The following DYTN variants were observed in gnomAD, a reference collection of about 807,000 sequenced individuals.
DYTN encodes the protein dystrotelin.
A neutral mutation model predicts 69.6 loss-of-function variants in DYTN; 75 were observed. The observed-to-expected ratio is 1.08, with a 90% CI of 0.89 to 1.31. The LOEUF (loss-of-function observed/expected upper bound fraction) is 1.31. Ranked by LOEUF, DYTN falls within the 50% of genes most tolerant of loss-of-function variation. The pLI is 0.00. For missense variants in DYTN, 726 were observed against 688.4 expected (o/e 1.05, Z -0.61); for synonymous variants, 252 against 249.1 (o/e 1.01, Z -0.11).
chr2:206,707,333 T>A lies in DYTN; in HGVS notation c.265A>T (p.Thr89Ser). The change falls in exon 3 of 12, where the codon ACT becomes TCT. Residue 89 changes from threonine to serine, a missense_variant. Physicochemically the swap from Thr to Ser is moderately conservative, Grantham distance 58. Coordinates refer to ENST00000452335, the MANE Select transcript of DYTN (RefSeq NM_001093730.1). ...GQVHPRAPEL[T>S]LSLLTTMYNS... ...TACATTGTCGTGAGAAGGCTCAGAG[T>A]GAGTTCCGGAGCTCTGGGATGCACT... The A allele has an allele frequency of 1.2e-6, 2 of 1,612,426 alleles. No homozygotes were observed. Among genetic ancestry groups the A allele is most frequent in the Non-Finnish European group, 1.7e-6 (2 of 1,179,444 alleles).
chr2:206,673,269 TA>T (rs1381218577), intron 9 of DYTN, among the ~76,000 whole-genome samples: 1 of 152,208 alleles, frequency 6.6e-6, no homozygotes, highest in Non-Finnish European at 1.5e-5. Flanking sequence ...TTTATTTTTT[TA>T]TTTTTGAGAT....
At chr2:206,711,351 A>G (rs1417598093) in intron 1 of DYTN, among the ~76,000 whole-genome samples, 1 of 152,158 alleles carries the variant, frequency 6.6e-6, no homozygotes, top group East Asian at 1.9e-4. Context: ...TGCCCATTTC[A>G]CAGTGTAGAG....
At chr2:206,703,226 T>C (rs1359468447) in intron 5 of DYTN, among the ~76,000 whole-genome samples, 3 of 152,274 alleles carry the variant, frequency 2.0e-5, no homozygotes, top group East Asian at 3.9e-4. Flanking sequence ...AAGAGTTCTC[T>C]AGAAGGAAAA....
intron 9 of DYTN, 123 bp downstream of exon 9, chr2:206,693,052 C>T (rs542504795): frequency 2.9e-6 from 4 of 1,364,648 alleles, no homozygotes; most frequent in African/African-American, 1.5e-5. Flanking sequence ...AAGTCCAACC[C>T]TCACCCCTCC....
rs768728706 is a variant in DYTN, at chr2:206,666,079, A to G, written c.981-50T>C. 56 of 1,590,300 alleles carry G rather than the reference A, an allele frequency of 3.5e-5. No homozygotes were observed. The East Asian group carries it at 1.2e-3, about 35-fold the overall frequency. Reference sequence around the variant, plus strand: ...GTTTGGAAGGGCAAGAGGCCAGTACACTAATTAGAGCCCTGGTAAGATGTA... The same window carrying G: ...GTTTGGAAGGGCAAGAGGCCAGTACGCTAATTAGAGCCCTGGTAAGATGTA... On this transcript the variant is annotated intron_variant, in intron 9 of 11. Coordinates refer to ENST00000452335, the MANE Select transcript of DYTN (RefSeq NM_001093730.1).
intron 9 of DYTN, among the ~76,000 whole-genome samples, chr2:206,682,900 A>G (rs1017721048): frequency 6.6e-6 from 1 of 152,188 alleles, no homozygotes; most frequent in African/African-American, 2.4e-5. Context: ...AAATGCAGGA[A>G]TAGACACATA....
intron 7 of DYTN, 43 bp from the exon 8 acceptor site, chr2:206,694,920 G>GAT: frequency 3.7e-5 from 29 of 788,866 alleles, no homozygotes; most frequent in African/African-American, 8.8e-5. Context: ...ACTAGTAGAT[G>GAT]AGAAAAAAAA....
chr2:206,658,766 T>C (rs1385933252), intron 11 of DYTN, among the ~76,000 whole-genome samples: 1 of 152,222 alleles, frequency 6.6e-6, no homozygotes, highest in Non-Finnish European at 1.5e-5. Context: ...AGTGTTTTCA[T>C]GCTAGTCCAA....
chr2:206,689,401 C>T (rs1369225327), intron 9 of DYTN, among the ~76,000 whole-genome samples: 5 of 152,186 alleles, frequency 3.3e-5, no homozygotes, highest in African/African-American at 4.8e-5. Flanking sequence ...TAATATTCCA[C>T]ATTCTTTTCT....
chr2:206,693,522 C>T (rs960721547), intron 8 of DYTN, among the ~76,000 whole-genome samples, 199 bp from the exon 9 acceptor site: 1 of 152,118 alleles, frequency 6.6e-6, no homozygotes. Flanking sequence ...AAATTAAACA[C>T]CCCAAACCCC....
intron 11 of DYTN, among the ~76,000 whole-genome samples, chr2:206,660,598 G>A (rs1015520557): frequency 9.2e-5 from 14 of 152,204 alleles, no homozygotes; most frequent in African/African-American, 3.1e-4. Flanking sequence ...AGTGGATATT[G>A]ACTTCGCTTT....
intron 1 of DYTN, among the ~76,000 whole-genome samples, chr2:206,712,759 T>C (rs1266321579): frequency 6.6e-6 from 1 of 152,154 alleles, no homozygotes. Flanking sequence ...CAACTGCAAC[T>C]CTCCCACTTC....
intron 9 of DYTN, among the ~76,000 whole-genome samples, chr2:206,688,349 T>C (rs1184045784): frequency 6.6e-6 from 1 of 152,212 alleles, no homozygotes; most frequent in Non-Finnish European, 1.5e-5. Flanking sequence ...CATCGTAGCC[T>C]TGCTGTGCTT....
intron 9 of DYTN, among the ~76,000 whole-genome samples, chr2:206,678,286 A>G (rs964945366): frequency 1.3e-5 from 2 of 152,240 alleles, no homozygotes; most frequent in African/African-American, 4.8e-5. Flanking sequence ...ATTATCAAAA[A>G]TTAAAACAAG....
At chr2:206,677,359 A>G (rs34548832) in intron 9 of DYTN, among the ~76,000 whole-genome samples, 14,965 of 152,300 alleles carry the variant, frequency 0.098, 907 homozygotes, top group Non-Finnish European at 0.14. Flanking sequence ...AATAATTCAA[A>G]TAATGCTGTT....
At chr2:206,652,441 A>G (rs997907981) in intron 11 of DYTN, among the ~76,000 whole-genome samples, 1 of 152,192 alleles carries the variant, frequency 6.6e-6, no homozygotes, top group Admixed American at 6.5e-5. Flanking sequence ...TGGTATAGAA[A>G]GATCTACAAT....
chr2:206,711,981 CATTT>C (rs1467828720), intron 1 of DYTN, among the ~76,000 whole-genome samples: 2 of 146,892 alleles, frequency 1.4e-5, no homozygotes, highest in Non-Finnish European at 3.0e-5. Context: ...TAGATCTCCC[CATTT>C]AGTCATATTA....
chr2:206,675,115 ATGTGTGTGTG>A (rs757679127), intron 9 of DYTN, among the ~76,000 whole-genome samples: 5 of 131,544 alleles, frequency 3.8e-5, no homozygotes, highest in Admixed American at 8.0e-5. Flanking sequence ...ATATATATAT[ATGTGTGTGTG>A]TGTGTGTGTG....
At chr2:206,703,279 A>C (rs1699993653) in intron 5 of DYTN, among the ~76,000 whole-genome samples, 1 of 152,074 alleles carries the variant, frequency 6.6e-6, no homozygotes. Context: ...GCTTCTAAGC[A>C]CTCCAGTCTC....
Sources: gnomAD v4.1 joint callset for allele counts (sites outside exome capture counted in the v4.1 genomes callset) on GRCh38, gnomAD v4.1.1 for gene constraint, MANE v1.5 for transcripts, NCBI Gene and HGNC (gene_info 2026-07-23, HGNC 2026-07-21) for gene names.